Variants in RALGDS observed in about 807,000 individuals in gnomAD.
RALGDS encodes ral guanine nucleotide dissociation stimulator.
A neutral mutation model predicts 99.8 loss-of-function variants in RALGDS; 44 were observed. The ratio of observed to expected loss-of-function variants is 0.44; its 90% CI spans 0.35 to 0.57. The LOEUF (loss-of-function observed/expected upper bound fraction) is 0.57. Ranked by LOEUF, RALGDS falls within the 20% of genes least tolerant of loss-of-function variation. The pLI is 0.01. For synonymous variants in RALGDS, 529 were observed against 505.0 expected, an observed-to-expected ratio of 1.05 and a Z score of -0.64; for missense variants, 1,022 against 1,203.1, an observed-to-expected ratio of 0.85 and a Z score of 2.23.
intron 1 of RALGDS, among the ~76,000 whole-genome samples, chr9:133,143,531 G>A (rs1832559517): frequency 6.6e-6 from 1 of 151,968 alleles, no homozygotes; most frequent in Non-Finnish European, 1.5e-5. Flanking sequence ...GAGGCGGGGG[G>A]AATCCCTTGA....
chr9:133,104,761 G>C (rs749240794), intron 9 of RALGDS, among the ~76,000 whole-genome samples: 1 of 152,144 alleles, frequency 6.6e-6, no homozygotes, highest in Non-Finnish European at 1.5e-5. Context: ...GCAGTGAGCC[G>C]AGATCACGCC....
Position 133,101,695 on chromosome 9 carries a change from G to A in RALGDS, c.2279C>T (p.Ser760Leu), listed in dbSNP as rs748135564. Residue 760 changes from serine to leucine, a missense_variant, in exon 16 of 18, where the codon TCG (serine) becomes TTG (leucine). By Grantham distance (145) the Ser-to-Leu change is moderately radical. Around this residue, in one of 3 missense-constraint regions of RALGDS, gnomAD observed 825 missense variants for 994.5 expected, o/e 0.83. Coordinates refer to ENST00000372050, the MANE Select transcript of RALGDS (RefSeq NM_006266.4). ...SGISSASSST[S>L]SSSASTTPVA... ...GGGCGTGGTGGAGGCTGAGGAGGAC[G>A]AGGTGCTGCTGGAGGCTGAGCTGAT... is the stretch of plus-strand genomic sequence containing the variant. The A allele has an allele frequency of 3.7e-6, 6 of 1,613,976 alleles. No homozygotes were observed. The highest frequency in any genetic ancestry group is 3.3e-5 in the Admixed American group (2 of 60,014).
intron 1 of RALGDS, among the ~76,000 whole-genome samples, chr9:133,146,973 G>A (rs2119281126): frequency 6.6e-6 from 1 of 152,376 alleles, no homozygotes; most frequent in African/African-American, 2.4e-5. Context: ...AGACCTGGGG[G>A]CAGAGGCACC....
Position 133,121,135 on chromosome 9 carries a change from G to A in RALGDS, c.20C>T (p.Ala7Val), listed in dbSNP as rs1360068685. 3 of 1,439,074 alleles carry A rather than the reference G, an allele frequency of 2.1e-6. No homozygotes were observed. The highest frequency in any genetic ancestry group is 3.0e-5 in the African/African-American group (2 of 66,766). 89.1% of individuals were successfully genotyped at this position (1,439,074 alleles called of 1,614,324 possible). A position where few individuals can be genotyped will look rare whatever the true frequency, so the allele number is the denominator to read the frequency against. The change falls in exon 1 of 18, where the codon GCC (alanine) becomes GTC (valine). Residue 7 changes from alanine (A) to valine (V), a missense_variant. Physicochemically the swap from Ala to Val is moderately conservative, Grantham distance 64. This residue lies in a region of RALGDS where 180 missense variants were observed against 169.3 expected (regional missense o/e 1.06). Transcript: ENST00000372050. MVQRMW[A>V]EAAGPAGGAE... ...GCCGCCAGCAGGCCCGGCCGCCTCG[G>A]CCCACATGCGCTGCACCATGGAAGG...
rs1000554802 is a variant in RALGDS at position 133,097,965 on chromosome 9, G to C, written c.*622C>G. 4.3e-6 allele frequency: 1 copy of C among 233,506 alleles called. No individual in the cohort carries two copies. Among genetic ancestry groups the C allele is most frequent in the African/African-American group, 2.2e-5 (1 of 44,934 alleles). The allele number at this position is 233,506 out of a possible 1,614,324, so 14.5% of individuals were successfully genotyped here. On this transcript the variant is annotated 3_prime_UTR_variant, in exon 18 of 18. Transcript: ENST00000372050. ...TTGCAGTGGCATGAGATTCAACATC[G>C]ATGGGACTCAGCTGGGACTGTCCTC... is the stretch of plus-strand genomic sequence containing the variant.
At chr9:133,122,757 T>C (rs572512625), upstream of RALGDS, among the ~76,000 whole-genome samples, 25 of 152,288 alleles carry the variant, frequency 1.6e-4, no homozygotes, top group South Asian at 2.5e-3. Context: ...CAGGCTGGAG[T>C]GCAGTGGTGT....
chr9:133,111,152 A>C (rs980057730), intron 2 of RALGDS, among the ~76,000 whole-genome samples: 1 of 152,222 alleles, frequency 6.6e-6, no homozygotes, highest in Non-Finnish European at 1.5e-5. Flanking sequence ...TTGTTAGCTG[A>C]GTAATGGTAG....
chr9:133,130,057 T>C lies in RALGDS; in HGVS notation c.132+895A>G, dbSNP rs1388620870. On this transcript the variant is annotated intron_variant, in intron 1 of 17. Coordinates refer to the RALGDS transcript ENST00000372062. Reference sequence around the variant, plus strand: ...GCATGGTCTCGGCTCACTGCACCTCTGCCTCCCGGGTTCAAGCGATTCTCC... The same window carrying C: ...GCATGGTCTCGGCTCACTGCACCTCCGCCTCCCGGGTTCAAGCGATTCTCC... Among the ~76,000 whole-genome samples the C allele has an allele frequency of 3.3e-5, 5 of 152,226 alleles. No homozygotes were observed. The South Asian group carries it at 8.3e-4, about 25-fold the overall frequency.
In RALGDS at chr9:133,128,277, G is replaced by A. The variant is rs543492730; in HGVS notation, c.132+2675C>T. ...AGCCGGAGGACCACAGCGGGAGAGG[G>A]AGGCAGCAGGCAGACGGAAGCGAGG... On this transcript the variant is annotated intron_variant, in intron 1 of 17. Coordinates refer to the RALGDS transcript ENST00000372062. Among the ~76,000 whole-genome samples the A allele has an allele frequency of 2.4e-4, 37 of 152,316 alleles. 1 individual carries two copies. The South Asian group carries it at 7.7e-3, about 32-fold the overall frequency.
rs1357573198 is a variant in RALGDS, at chr9:133,103,811, G to T, written c.1694C>A (p.Pro565His). The change falls in exon 11 of 18, where the codon CCC becomes CAC. Residue 565 changes from proline (P) to histidine (H), a missense_variant. Coordinates refer to ENST00000372050, the MANE Select transcript of RALGDS (RefSeq NM_006266.4). The part of the protein sequence containing the change: ...KETGIIQGTV[P>H]YLGTFLTDLV... ...GTCGGTGAGGAACGTGCCCAGGTAG[G>T]GAACGGTGCCCTGGATGATGCCCTG... 2 of 1,613,162 alleles carry T rather than the reference G, an allele frequency of 1.2e-6. No homozygotes were observed.
chr9:133,112,144 C>G lies in RALGDS; in HGVS notation c.192G>C (p.Thr64=). ...DPDLPRPESS[T]QEIGEELING... is the part of the protein sequence containing the mutation. ...TGATCAGCTCCTCACCGATCTCCTGCGTGGAGCTCTGTGAAGACAACGCCC... is the reference window on the plus strand; with the variant it reads ...TGATCAGCTCCTCACCGATCTCCTGGGTGGAGCTCTGTGAAGACAACGCCC... The change falls in exon 2 of 18, where the codon ACG becomes ACC. Residue 64 remains threonine, a synonymous_variant. Transcript: ENST00000372050. The G allele has an allele frequency of 6.4e-7, 1 of 1,562,052 alleles. No homozygotes were observed. The highest frequency in any genetic ancestry group is 1.4e-5 in the African/African-American group (1 of 73,532).
chr9:133,129,302 C>A lies in RALGDS; in HGVS notation c.132+1650G>T, dbSNP rs114920471. The A allele has an allele frequency of 5.1e-4, 806 of 1,589,190 alleles. 3 individuals carry two copies. In the African/African-American group the frequency reaches 8.8e-3, roughly 17 times the overall value. On this transcript the variant is annotated intron_variant, in intron 1 of 17. Transcript: ENST00000372062. Reference sequence around the variant, plus strand: ...CACGGCAGGCCTGGCACAAACCTGGCCTGCTTCCCGGGCCATGGTGGGGCG... The same window carrying A: ...CACGGCAGGCCTGGCACAAACCTGGACTGCTTCCCGGGCCATGGTGGGGCG...
chr9:133,112,844 T>C (rs1255231115), intron 1 of RALGDS, among the ~76,000 whole-genome samples: 1 of 152,184 alleles, frequency 6.6e-6, no homozygotes, highest in East Asian at 1.9e-4. Context: ...GCTTGGGCAA[T>C]GGGAGTTCCC....
intron 1 of RALGDS, among the ~76,000 whole-genome samples, chr9:133,141,284 C>T (rs1040872257): frequency 6.6e-5 from 10 of 152,206 alleles, no homozygotes; most frequent in Non-Finnish European, 1.5e-4. Flanking sequence ...AGTGTGGCCC[C>T]ACCTGCCTTT....
chr9:133,130,403 C>T (rs903865805), intron 1 of RALGDS, among the ~76,000 whole-genome samples: 4 of 152,142 alleles, frequency 2.6e-5, no homozygotes, highest in Admixed American at 1.3e-4. Flanking sequence ...TGTGAGCCAC[C>T]GCACCCGGCC....
At chr9:133,105,597 G>A (rs1588517860) in intron 9 of RALGDS, among the ~76,000 whole-genome samples, 1 of 152,034 alleles carries the variant, frequency 6.6e-6, no homozygotes, top group African/African-American at 2.4e-5. Flanking sequence ...GGCAGGAGCC[G>A]CATCCCCTTC....
intron 1 of RALGDS, among the ~76,000 whole-genome samples, chr9:133,141,850 T>G (rs1345246224): frequency 1.3e-5 from 2 of 152,154 alleles, no homozygotes; most frequent in Non-Finnish European, 2.9e-5. Flanking sequence ...AGTCAGTCGG[T>G]ATCAAAGTTG....
At chr9:133,145,655 C>T (rs57567335) in intron 1 of RALGDS, among the ~76,000 whole-genome samples, 2 of 152,160 alleles carry the variant, frequency 1.3e-5, no homozygotes, top group Non-Finnish European at 2.9e-5. Flanking sequence ...ATGCTCCCAG[C>T]CCCTGAGGCT....
intron 1 of RALGDS, among the ~76,000 whole-genome samples, chr9:133,114,375 G>A (rs1018890839): frequency 7.2e-5 from 11 of 152,218 alleles, no homozygotes; most frequent in Non-Finnish European, 5.9e-5. Context: ...TGCTCAGATG[G>A]TGGAGGTGCA....
Sources: gnomAD v4.1 joint callset for allele counts (sites outside exome capture counted in the v4.1 genomes callset) on GRCh38, gnomAD v4.1.1 for gene constraint, gnomAD v4.1.1 regional missense constraint, MANE v1.5 for transcripts, NCBI Gene and HGNC (gene_info 2026-07-23, HGNC 2026-07-21) for gene names.